WWOX: variants seen among roughly 807,000 people sequenced by gnomAD.
WWOX encodes the protein WW domain containing oxidoreductase.
Under a neutral mutation model 46.2 loss-of-function variants are expected in WWOX, and 69 were observed. The observed-to-expected ratio is 1.49, with a 90% confidence interval of 1.23 to 1.82. The LOEUF is 1.82. Among genes scored for constraint, WWOX ranks in the 40% most tolerant of loss-of-function variants. The pLI, the probability that WWOX is intolerant of heterozygous loss-of-function variation, is 0.00. For missense variants in WWOX, 919 were observed against 542.6 expected, an observed-to-expected ratio of 1.69 and a Z score of -6.89; for synonymous variants, 359 against 202.6, an observed-to-expected ratio of 1.77 and a Z score of -6.56.
chr16:78,185,584 A>G (rs1389079324), intron 5 of WWOX, among the ~76,000 whole-genome samples: 1 of 152,112 alleles, frequency 6.6e-6, no homozygotes, highest in South Asian at 2.1e-4. Flanking sequence ...GTCACCATGA[A>G]GTAGGCATGA....
In WWOX at chr16:78,499,389, T is replaced by C. The variant is rs1043153689; in HGVS notation, c.1056+66637T>C. Among the ~76,000 whole-genome samples, 3 of 152,208 alleles carry C rather than the reference T, an allele frequency of 2.0e-5. No homozygotes were observed. The South Asian group carries it at 6.2e-4, about 31-fold the overall frequency. ...TGGCTGTCCACCAGCCCCTTTGTGA[T>C]AGTCTCATAGTCTTATTTGTCTTTT... On this transcript the variant is annotated intron_variant, in intron 8 of 8. Transcript: ENST00000566780.
Position 78,234,955 on chromosome 16 carries a change from T to C in WWOX, c.516+70666T>C, listed in dbSNP as rs555158008. ...AGGGATTAAGGATATAAACCCAACT[T>C]CAAATTTCTTTCTGGGTGGTCTTGA... On this transcript the variant is annotated intron_variant, in intron 5 of 8. Transcript: ENST00000566780. 2.0e-5 allele frequency among the ~76,000 whole-genome samples: 3 copies of C among 151,970 alleles called. No individual in the cohort carries two copies. In the East Asian group the frequency reaches 5.8e-4, roughly 29 times the overall value.
intron 8 of WWOX, among the ~76,000 whole-genome samples, chr16:78,605,906 C>G (rs534385456): frequency 6.6e-6 from 1 of 152,160 alleles, no homozygotes; most frequent in Non-Finnish European, 1.5e-5. Context: ...TCAAATACCT[C>G]TTGCATGGAG....
rs907099554 is a variant in WWOX at position 78,986,471 on chromosome 16, T to C, written c.1057-225137T>C. ...TCTAAGTAGGTTGGGGCTGTGCTGA[T>C]TGTACCACTCTTTGGATTTTAGTGG... On this transcript the variant is annotated intron_variant, in intron 8 of 8. Coordinates refer to ENST00000566780, the MANE Select transcript of WWOX (RefSeq NM_016373.4). 7.9e-5 allele frequency among the ~76,000 whole-genome samples: 12 copies of C among 152,326 alleles called. 1 individual carries two copies. The highest frequency in any genetic ancestry group is 5.9e-4 in the Admixed American group (9 of 15,310).
intron 5 of WWOX, among the ~76,000 whole-genome samples, chr16:78,178,863 CAAAAAA>C (rs5818110): frequency 7.2e-6 from 1 of 138,864 alleles, no homozygotes; most frequent in Non-Finnish European, 1.6e-5. Flanking sequence ...GATTCCGTCT[CAAAAAA>C]AAAAAAAAAG....
At chr16:78,346,797 T>G (rs1233141868) in intron 5 of WWOX, among the ~76,000 whole-genome samples, 1 of 120,630 alleles carries the variant, frequency 8.3e-6, no homozygotes, top group Non-Finnish European at 2.0e-5. Context: ...CTCTGCCTAC[T>G]GGGTTCAAGC....
intron 5 of WWOX, among the ~76,000 whole-genome samples, chr16:78,352,385 C>A (rs1437627517): frequency 6.6e-6 from 1 of 152,196 alleles, no homozygotes; most frequent in Admixed American, 6.5e-5. Flanking sequence ...GATGTGTCAG[C>A]AGGACACCAT....
intron 8 of WWOX, among the ~76,000 whole-genome samples, chr16:78,633,725 G>T (rs1193052516): frequency 6.6e-6 from 1 of 152,150 alleles, no homozygotes; most frequent in Non-Finnish European, 1.5e-5. Flanking sequence ...GGGCTGGCAG[G>T]CCTGGCTTTC....
chr16:78,535,274 A>G (rs1012563833), intron 8 of WWOX: 1 of 152,156 alleles, frequency 6.6e-6, no homozygotes, highest in Non-Finnish European at 1.5e-5. Context: ...AGTGATGGGG[A>G]CCAGAGCTAG....
At chr16:79,025,030 G>C (rs1189965685) in intron 8 of WWOX, among the ~76,000 whole-genome samples, 1 of 152,160 alleles carries the variant, frequency 6.6e-6, no homozygotes, top group Non-Finnish European at 1.5e-5. Flanking sequence ...GGCCCAGTTG[G>C]GGAGGACCTT....
intron 8 of WWOX, among the ~76,000 whole-genome samples, chr16:78,946,361 T>A (rs1332404884): frequency 6.6e-6 from 1 of 152,030 alleles, no homozygotes; most frequent in Non-Finnish European, 1.5e-5. Context: ...AGCTAATTTT[T>A]TGTATTTTTA....
intron 8 of WWOX, among the ~76,000 whole-genome samples, chr16:79,114,459 A>G (rs1478675653): frequency 6.6e-6 from 1 of 151,402 alleles, no homozygotes; most frequent in East Asian, 2.0e-4. Context: ...CACACACACA[A>G]GCAGAAGGCC....
chr16:78,320,478 G>C (rs988750064), intron 5 of WWOX, among the ~76,000 whole-genome samples: 2 of 152,112 alleles, frequency 1.3e-5, no homozygotes, highest in African/African-American at 2.4e-5. Flanking sequence ...GAAATAGTTT[G>C]GTTAATTCAT....
intron 4 of WWOX, among the ~76,000 whole-genome samples, chr16:78,154,749 A>G (rs947762123): frequency 3.9e-5 from 6 of 152,054 alleles, no homozygotes; most frequent in Non-Finnish European, 7.4e-5. Flanking sequence ...ATAGTCTCAC[A>G]CTTGACATAG....
intron 8 of WWOX, among the ~76,000 whole-genome samples, chr16:79,173,863 A>G (rs907511050): frequency 1.3e-5 from 2 of 152,200 alleles, no homozygotes; most frequent in Admixed American, 6.5e-5. Context: ...AGAAAGATGG[A>G]TGGGGGAGAG....
At chr16:78,219,861 G>C (rs987792434) in intron 5 of WWOX, among the ~76,000 whole-genome samples, 4 of 151,952 alleles carry the variant, frequency 2.6e-5, no homozygotes, top group Non-Finnish European at 5.9e-5. Context: ...TCTCTCGACT[G>C]TGGTGACGGT....
rs189145925 is a variant in WWOX, at chr16:79,038,542, A to T, written c.1057-173066A>T. 3.8e-3 allele frequency among the ~76,000 whole-genome samples: 582 copies of T among 152,308 alleles called. 5 individuals are homozygous for T. Among genetic ancestry groups the T allele is most frequent in the African/African-American group, 0.013 (550 of 41,558 alleles). On this transcript the variant is annotated intron_variant, in intron 8 of 8. Transcript: ENST00000566780. ...CAATATATTATCAGAGTTTTCTGAC[A>T]AAGAATTAACTTTTTATTTTTTTTG...
intron 8 of WWOX, among the ~76,000 whole-genome samples, chr16:78,470,605 C>T (rs559297905): frequency 1.8e-4 from 27 of 152,316 alleles, no homozygotes; most frequent in African/African-American, 6.0e-4. Context: ...TCTTGACTTA[C>T]TGAAACCTCC....
intron 6 of WWOX, among the ~76,000 whole-genome samples, chr16:78,403,562 C>G (rs12102499): frequency 0.046 from 7,006 of 152,164 alleles, 528 homozygotes; most frequent in African/African-American, 0.16. Context: ...TCCCCACTTA[C>G]CAAGTGGGTA....
Sources: allele counts gnomAD v4.1 joint callset (sites outside exome capture counted in the v4.1 genomes callset), GRCh38; gene constraint gnomAD v4.1.1; transcripts MANE v1.5; gene names NCBI Gene and HGNC (gene_info 2026-07-23, HGNC 2026-07-21).